CYP4F3: variants seen among roughly 807,000 people sequenced by gnomAD.
The protein encoded by CYP4F3 is cytochrome P450 family 4 subfamily F member 3.
In CYP4F3, 50 loss-of-function variants were observed where a neutral mutation model predicts 54.8. That is an observed-to-expected ratio of 0.91 (90% CI 0.73 to 1.16). CYP4F3 has a LOEUF of 1.16. Among genes scored for constraint, CYP4F3 ranks in the 50% most tolerant of loss-of-function variants. The pLI, the probability that CYP4F3 is intolerant of heterozygous loss-of-function variation, is 0.00. For synonymous variants in CYP4F3, 244 were observed against 262.6 expected (o/e 0.93, Z 0.69); for missense variants, 715 against 676.2 (o/e 1.06, Z -0.64).
chr19:15,652,670 T>G (rs751477800), intron 8 of CYP4F3, 35 bp downstream of exon 8: 3 of 1,614,034 alleles, frequency 1.9e-6, no homozygotes, highest in Non-Finnish European at 2.5e-6. Context: ...AGTGGGGACT[T>G]GGATATCTCC....
intron 1 of CYP4F3, 108 bp from the exon 2 acceptor site, chr19:15,641,307 G>C: frequency 1.4e-6 from 2 of 1,380,408 alleles, no homozygotes; most frequent in Non-Finnish European, 9.9e-7. Flanking sequence ...TACTCTTACT[G>C]TTCTATCTCC....
At position 15,659,604 on chromosome 19, in the gene CYP4F3, A is replaced by C. The variant is rs940780228; in HGVS notation, c.*219A>C. On this transcript the variant is annotated 3_prime_UTR_variant, in exon 13 of 13. Coordinates refer to ENST00000221307, the MANE Select transcript of CYP4F3 (RefSeq NM_000896.3). The stretch of plus-strand genomic sequence containing the variant: ...CAAACGATGAAAACAACCCCAAGCT[A>C]TATATTACCAGATGAAAGGATAAAC... The C allele has an allele frequency of 4.0e-6, 3 of 756,162 alleles. No homozygotes were observed. The highest frequency in any genetic ancestry group is 6.2e-6 in the Non-Finnish European group (3 of 487,070). The allele number at this position is 756,162 out of a possible 1,614,324, so 46.8% of individuals were successfully genotyped here. A position where few individuals can be genotyped will look rare whatever the true frequency, so the allele number is the denominator to read the frequency against.
At chr19:15,648,385 T>C (rs1405772228) in intron 5 of CYP4F3, among the ~76,000 whole-genome samples, 1 of 151,820 alleles carries the variant, frequency 6.6e-6, no homozygotes, top group Non-Finnish European at 1.5e-5. Flanking sequence ...GGCTTAGGAA[T>C]CTGTTTTTAT....
intron 7 of CYP4F3, among the ~76,000 whole-genome samples, chr19:15,651,577 G>A (rs1361238730): frequency 1.4e-5 from 2 of 145,686 alleles, no homozygotes; most frequent in African/African-American, 5.0e-5. Context: ...TCAAACTCCT[G>A]AGCTCGTGAT....
intron 9 of CYP4F3, among the ~76,000 whole-genome samples, chr19:15,655,734 C>T (rs936759603): frequency 6.6e-6 from 1 of 152,122 alleles, no homozygotes; most frequent in Non-Finnish European, 1.5e-5. Flanking sequence ...AGATCTTTTG[C>T]TTTTCTCAAA....
At chr19:15,656,521 CTATT>C (rs1397015897) in intron 9 of CYP4F3, among the ~76,000 whole-genome samples, 1 of 44,186 alleles carries the variant, frequency 2.3e-5, no homozygotes, top group Non-Finnish European at 4.1e-5. Flanking sequence ...ATCTATCTAT[CTATT>C]TCTATCATCT....
chr19:15,654,116 G>A (rs2144666226), intron 9 of CYP4F3, among the ~76,000 whole-genome samples: 1 of 152,260 alleles, frequency 6.6e-6, no homozygotes, highest in East Asian at 1.9e-4. Context: ...GCATTGGAGT[G>A]GACGGGTGTC....
intron 3 of CYP4F3, among the ~76,000 whole-genome samples, chr19:15,646,100 C>T (rs910226724): frequency 2.6e-4 from 39 of 152,188 alleles, no homozygotes; most frequent in African/African-American, 8.0e-4. Flanking sequence ...GTCTGCTGTA[C>T]GGCTACGTCT....
chr19:15,655,784 C>A (rs529643623), intron 9 of CYP4F3, among the ~76,000 whole-genome samples: 14 of 152,138 alleles, frequency 9.2e-5, no homozygotes, highest in South Asian at 6.2e-4. Context: ...TAAATTTGTT[C>A]TTTGTCTTTA....
Position 15,641,452 on chromosome 19 carries a change from C to T in CYP4F3, c.37C>T (p.Pro13Ser). 6.2e-7 allele frequency: 1 copy of T among 1,614,204 alleles called. No individual in the cohort carries two copies. The highest frequency in any genetic ancestry group is 8.5e-7 in the Non-Finnish European group (1 of 1,180,040). ...GAGCCTGTCCTCGCTGGGCCTTTGG[C>T]CAATGGCAGCATCCCCGTGGCTGCT... is the stretch of plus-strand genomic sequence containing the variant. ...QLSLSSLGLW[P>S]MAASPWLLLL... Residue 13 changes from proline (P) to serine (S), a missense_variant, in exon 2 of 13, where the codon CCA becomes TCA. Coordinates refer to ENST00000221307, the MANE Select transcript of CYP4F3 (RefSeq NM_000896.3).
chr19:15,645,755 AG>A lies in CYP4F3; in HGVS notation c.236del (p.Ser79ThrfsTer50), dbSNP rs760081187. 4 of 1,613,960 alleles carry A rather than the reference AG, an allele frequency of 2.5e-6. No homozygotes were observed. In the African/African-American group the frequency reaches 4.0e-5, roughly 16 times the overall value. On this transcript the variant is annotated frameshift_variant, in exon 3 of 13. Transcript: ENST00000221307. LOFTEE classifies it high-confidence loss of function. Reference sequence around the variant, plus strand: ...GGAGGAAGGTCTCCTATACACACAAAGCCTGGCATGCACCTTCGGTGATATG... The same window carrying A: ...GGAGGAAGGTCTCCTATACACACAAACCTGGCATGCACCTTCGGTGATATG... ...SSEEGLLYTQ[S>X]LACTFGDMCC...
chr19:15,658,638 C>G, intron 11 of CYP4F3, 83 bp downstream of exon 11: 2 of 1,607,806 alleles, frequency 1.2e-6, no homozygotes, highest in Non-Finnish European at 1.7e-6. Context: ...AATCCAACAT[C>G]ACCTCCCTCC....
chr19:15,641,700 G>C, intron 2 of CYP4F3, 87 bp downstream of exon 2: 1 of 1,368,184 alleles, frequency 7.3e-7, no homozygotes, highest in Non-Finnish European at 1.0e-6. Context: ...AGAGGGGGTG[G>C]GCTGGGGTCT....
chr19:15,653,998 C>A (rs899721660), intron 9 of CYP4F3, among the ~76,000 whole-genome samples: 6 of 152,034 alleles, frequency 3.9e-5, no homozygotes, highest in African/African-American at 1.2e-4. Flanking sequence ...GAAGATCTTT[C>A]TAGGGCTAGT....
chr19:15,654,555 T>C (rs1488243358), intron 9 of CYP4F3, among the ~76,000 whole-genome samples: 1 of 152,188 alleles, frequency 6.6e-6, no homozygotes, highest in Non-Finnish European at 1.5e-5. Context: ...TCTATCTTCT[T>C]TTTTCATGAG....
rs200588031 is a variant in CYP4F3 at position 15,660,719 on chromosome 19, AT to A, written c.*1349del. On this transcript the variant is annotated 3_prime_UTR_variant, in exon 13 of 13. Coordinates refer to ENST00000221307, the MANE Select transcript of CYP4F3 (RefSeq NM_000896.3). ...GACAAGACTTTGACAGGGGTGCCTAATTTTTTTTTTTTTTTGAGATGGAGTC... is the reference window on the plus strand; with the variant it reads ...GACAAGACTTTGACAGGGGTGCCTAATTTTTTTTTTTTTTGAGATGGAGTC... 178 of 143,318 alleles carry A rather than the reference AT, an allele frequency of 1.2e-3. No homozygotes were observed. Among genetic ancestry groups the A allele is most frequent in the Middle Eastern group, 3.5e-3 (1 of 288 alleles). The allele number at this position is 143,318 out of a possible 1,614,324, so 8.9% of individuals were successfully genotyped here. A position where few individuals can be genotyped will look rare whatever the true frequency, so the allele number is the denominator to read the frequency against.
Position 15,649,996 on chromosome 19 carries a change from A to T in CYP4F3, c.731A>T (p.Asp244Val). 1.9e-6 allele frequency: 3 copies of T among 1,614,050 alleles called. No individual in the cohort carries two copies. Among genetic ancestry groups the T allele is most frequent in the Non-Finnish European group, 2.5e-6 (3 of 1,179,994 alleles). Residue 244 changes from aspartate to valine, a missense_variant, in exon 7 of 13, where the codon GAC becomes GTC. Asp to Val is a radical substitution (Grantham distance 152). Coordinates refer to ENST00000221307, the MANE Select transcript of CYP4F3 (RefSeq NM_000896.3). ...CACCAGCAGATCCTCCTGTACATAG[A>T]CTTCCTGTATTATCTCACCCCTGAT... ...KRHQQILLYI[D>V]FLYYLTPDGQ... is the part of the protein sequence containing the mutation.
In CYP4F3 at chr19:15,645,888, G is replaced by T. The variant is rs529925484; in HGVS notation, c.343+25G>T. ...GGTAGACACTGCACTGGCCACTCCA[G>T]GTAGACACTGCACTGGCCACGCCTT... On this transcript the variant is annotated intron_variant, in intron 3 of 12. Coordinates refer to ENST00000221307, the MANE Select transcript of CYP4F3 (RefSeq NM_000896.3). 7 of 1,581,420 alleles carry T rather than the reference G, an allele frequency of 4.4e-6. No individual in the cohort carries two copies. The African/African-American group carries it at 8.1e-5, about 18-fold the overall frequency.
At position 15,650,088 on chromosome 19, in the gene CYP4F3, C is replaced by T. The variant is rs374257337; in HGVS notation, c.823C>T (p.Arg275Cys). The part of the protein sequence containing the change: ...DFTDAVIQER[R>C]RTLPSQGVDD... ...CACAGATGCCGTCATCCAGGAGCGG[C>T]GCCGCACCCTCCCTAGCCAGGGTGT... Residue 275 changes from arginine to cysteine, a missense_variant, in exon 7 of 13, where the codon CGC becomes TGC. Physicochemically the swap from Arg to Cys is radical, Grantham distance 180 (BLOSUM62 -3). Coordinates refer to ENST00000221307, the MANE Select transcript of CYP4F3 (RefSeq NM_000896.3). 30 of 1,614,072 alleles carry T rather than the reference C, an allele frequency of 1.9e-5. No homozygotes were observed. The highest frequency in any genetic ancestry group is 1.6e-4 in the Middle Eastern group (1 of 6,084).
Sources: allele counts gnomAD v4.1 joint callset (sites outside exome capture counted in the v4.1 genomes callset), GRCh38; gene constraint gnomAD v4.1.1; transcripts MANE v1.5; gene names NCBI Gene and HGNC (gene_info 2026-07-23, HGNC 2026-07-21).